The following ARID5B variants were observed in gnomAD, a reference collection of about 807,000 sequenced individuals.
ARID5B encodes the protein AT-rich interaction domain 5B.
Under a neutral mutation model 97.2 loss-of-function variants are expected in ARID5B, and 13 were observed. That is an observed-to-expected ratio of 0.13 (90% CI 0.09 to 0.21). The LOEUF (loss-of-function observed/expected upper bound fraction) is 0.21, where lower values mean the gene tolerates loss of function less well. Among genes scored for constraint, ARID5B ranks in the 10% least tolerant of loss-of-function variants. ARID5B has a pLI of 1.00. For synonymous variants in ARID5B, 556 were observed against 570.3 expected (o/e 0.97, Z 0.36); for missense variants, 1,210 against 1,465.3 (o/e 0.83, Z 2.84).
chr10:62,068,262 A>G lies in ARID5B; in HGVS notation c.1102-1438A>G, dbSNP rs186215924. ...AATAAGGAGGATTTTATTTTCAGTT[A>G]CACCTGCTAGTAGATGTAAGAGGTG... On this transcript the variant is annotated intron_variant, in intron 7 of 9. Transcript: ENST00000279873. 1.7e-4 allele frequency among the ~76,000 whole-genome samples: 26 copies of G among 152,360 alleles called. No individual in the cohort carries two copies. The East Asian group carries it at 4.8e-3, about 28-fold the overall frequency.
rs1270762608 is a variant in ARID5B at position 62,030,615 on chromosome 10, A to C, written c.734-20273A>C. Among the ~76,000 whole-genome samples, 8 of 152,224 alleles carry C rather than the reference A, an allele frequency of 5.3e-5. No individual in the cohort carries two copies. The East Asian group carries it at 1.3e-3, about 26-fold the overall frequency. On this transcript the variant is annotated intron_variant, in intron 4 of 9. Transcript: ENST00000279873. ...GTAAGTAAACAATTTTTGGTGAATCATCTTACTCCTTAACAGAAGCCAGCA... is the reference window on the plus strand; with the variant it reads ...GTAAGTAAACAATTTTTGGTGAATCCTCTTACTCCTTAACAGAAGCCAGCA...
chr10:62,018,502 A>G (rs1839312158), intron 4 of ARID5B, among the ~76,000 whole-genome samples: 1 of 151,848 alleles, frequency 6.6e-6, no homozygotes, highest in Non-Finnish European at 1.5e-5. Flanking sequence ...TATTATCTTT[A>G]CGTTTCCAAA....
chr10:62,076,277 C>G (rs553252677), intron 8 of ARID5B, among the ~76,000 whole-genome samples: 1 of 152,154 alleles, frequency 6.6e-6, no homozygotes, highest in Non-Finnish European at 1.5e-5. Context: ...TGGTGGCTCA[C>G]GCCTATAATC....
chr10:61,974,150 G>A (rs925989104), intron 3 of ARID5B, among the ~76,000 whole-genome samples: 3 of 152,166 alleles, frequency 2.0e-5, no homozygotes, highest in African/African-American at 4.8e-5. Flanking sequence ...GAGAGGTTTT[G>A]ACAACAAGCA....
intron 3 of ARID5B, among the ~76,000 whole-genome samples, chr10:61,955,311 G>T (rs1393069939): frequency 1.3e-5 from 2 of 152,138 alleles, no homozygotes; most frequent in Non-Finnish European, 2.9e-5. Flanking sequence ...TGGAGTACTG[G>T]CAATTAAGTG....
chr10:61,954,706 G>T (rs1432639002), intron 3 of ARID5B, among the ~76,000 whole-genome samples: 4 of 152,100 alleles, frequency 2.6e-5, no homozygotes, highest in Admixed American at 1.3e-4. Context: ...TGTCCTTGTG[G>T]TATCTATTTA....
Position 61,902,433 on chromosome 10 carries a change from C to T in ARID5B, c.276+20C>T. On this transcript the variant is annotated intron_variant, in intron 2 of 9. Transcript: ENST00000279873. ...GGCGAGGTGGTAAACCTGTCTGTCC[C>T]CCTCTTCTTTCTTTATTATTTTTCC... The T allele has an allele frequency of 1.2e-6, 2 of 1,608,918 alleles. No homozygotes were observed. Among genetic ancestry groups the T allele is most frequent in the African/African-American group, 2.7e-5 (2 of 74,696 alleles).
intron 3 of ARID5B, among the ~76,000 whole-genome samples, chr10:61,995,267 T>C (rs1355291595): frequency 6.6e-6 from 1 of 152,212 alleles, no homozygotes; most frequent in Non-Finnish European, 1.5e-5. Flanking sequence ...CTATTATGAA[T>C]TGGAAGGGTG....
chr10:61,914,466 A>G (rs1843863515), intron 2 of ARID5B, among the ~76,000 whole-genome samples: 1 of 152,254 alleles, frequency 6.6e-6, no homozygotes, highest in African/African-American at 2.4e-5. Context: ...TCTCTCCTAT[A>G]GTAAGAAGGA....
chr10:61,942,092 G>A (rs934397428), intron 3 of ARID5B, among the ~76,000 whole-genome samples: 1 of 152,208 alleles, frequency 6.6e-6, no homozygotes, highest in African/African-American at 2.4e-5. Flanking sequence ...ACAAAAGGAT[G>A]TGTAGATGGT....
At chr10:62,037,463 A>C (rs963693849) in intron 4 of ARID5B, among the ~76,000 whole-genome samples, 9 of 152,226 alleles carry the variant, frequency 5.9e-5, no homozygotes, top group Admixed American at 3.3e-4. Flanking sequence ...CGAAATCGGC[A>C]TAAGATGCCT....
intron 2 of ARID5B, among the ~76,000 whole-genome samples, chr10:61,932,281 C>A (rs1844223437): frequency 6.6e-6 from 1 of 152,148 alleles, no homozygotes. Flanking sequence ...TCTGAGTCTT[C>A]CGCAAGTTGT....
chr10:62,000,417 C>G lies in ARID5B; in HGVS notation c.733+96C>G. 1 of 1,166,646 alleles carries G rather than the reference C, an allele frequency of 8.6e-7. No individual in the cohort carries two copies. The highest frequency in any genetic ancestry group is 1.2e-6 in the Non-Finnish European group (1 of 835,022). 72.3% of individuals were successfully genotyped at this position (1,166,646 alleles called of 1,614,324 possible). On this transcript the variant is annotated intron_variant, in intron 4 of 9. Coordinates refer to ENST00000279873, the MANE Select transcript of ARID5B (RefSeq NM_032199.3). This position sits in a 1 kb window ranked among gnomAD's most constrained non-coding sequence, Gnocchi z 4.4. Reference sequence around the variant, plus strand: ...GAGCGGTGATGGGGAACGGGGCTCACTTTCACAAGCCCCATGTGCTGCCCC... The same window carrying G: ...GAGCGGTGATGGGGAACGGGGCTCAGTTTCACAAGCCCCATGTGCTGCCCC...
At chr10:62,083,312 T>A (rs1010640629) in intron 8 of ARID5B, among the ~76,000 whole-genome samples, 296 of 57,372 alleles carry the variant, frequency 5.2e-3, no homozygotes, top group Non-Finnish European at 5.5e-3. Flanking sequence ...AAAGAAAAAA[T>A]GAAAAAAAAA....
In ARID5B at chr10:62,091,995, C is replaced by T. The variant is rs773289860; in HGVS notation, c.2532C>T (p.Thr844=). 44 of 1,613,898 alleles carry T rather than the reference C, an allele frequency of 2.7e-5. No individual in the cohort carries two copies. The highest frequency in any genetic ancestry group is 2.5e-5 in the Non-Finnish European group (30 of 1,179,994). The change falls in exon 10 of 10, where the codon ACC becomes ACT. Residue 844 remains threonine, a synonymous_variant. Coordinates refer to ENST00000279873, the MANE Select transcript of ARID5B (RefSeq NM_032199.3). The stretch of plus-strand genomic sequence containing the variant: ...ATCTCCATAGCCTCTACAGACACAC[C>T]GAGCACCATCTTCATAATGAACAGA... ...SPHLHSLYRH[T]EHHLHNEQTS... is the part of the protein sequence containing the mutation.
At chr10:62,072,230 G>C (rs1260376184) in intron 8 of ARID5B, among the ~76,000 whole-genome samples, 2 of 152,216 alleles carry the variant, frequency 1.3e-5, no homozygotes, top group Non-Finnish European at 2.9e-5. Flanking sequence ...GTGCTCCCTG[G>C]CTGCTGCCAG....
chr10:61,958,342 C>T (rs1838421371), intron 3 of ARID5B, among the ~76,000 whole-genome samples: 1 of 152,090 alleles, frequency 6.6e-6, no homozygotes, highest in Non-Finnish European at 1.5e-5. Context: ...CAATTTTTAT[C>T]CTCAGCCTCG....
intron 3 of ARID5B, among the ~76,000 whole-genome samples, chr10:61,997,658 G>A (rs1457269896): frequency 2.6e-5 from 4 of 152,144 alleles, no homozygotes; most frequent in Non-Finnish European, 4.4e-5. Context: ...TATGGGAGAT[G>A]GTGTTAAGTG....
In ARID5B at chr10:61,989,720, G is replaced by A. The variant is rs1463025111; in HGVS notation, c.503-10371G>A. On this transcript the variant is annotated intron_variant, in intron 3 of 9. Coordinates refer to ENST00000279873, the MANE Select transcript of ARID5B (RefSeq NM_032199.3). ...AGCTACACTTTAATGGATCAGCATC[G>A]TTAACCTTTATTAGTTTGGCTTTTC... is the stretch of plus-strand genomic sequence containing the variant. Among the ~76,000 whole-genome samples the A allele has an allele frequency of 3.9e-5, 6 of 152,156 alleles. No homozygotes were observed. In the South Asian group the frequency reaches 6.2e-4, roughly 16 times the overall value.
Sources: gnomAD v4.1 joint callset for allele counts (sites outside exome capture counted in the v4.1 genomes callset) on GRCh38, gnomAD v4.1.1 for gene constraint, Gnocchi (gnomAD v3.1) non-coding constraint, MANE v1.5 for transcripts, NCBI Gene and HGNC (gene_info 2026-07-23, HGNC 2026-07-21) for gene names.